CDK5RAP2: variants seen among roughly 807,000 people sequenced by gnomAD.
CDK5RAP2 encodes CDK5 regulatory subunit associated protein 2, also known as CDK5 regulatory subunit-associated protein 2.
In CDK5RAP2, 147 loss-of-function variants were observed where a neutral mutation model predicts 232.9. The observed-to-expected ratio is 0.63, with a 90% CI of 0.55 to 0.72. The LOEUF (loss-of-function observed/expected upper bound fraction) is 0.72. Among genes scored for constraint, CDK5RAP2 ranks in the 30% least tolerant of loss-of-function variants. The pLI, the probability that CDK5RAP2 is intolerant of heterozygous loss-of-function variation, is 0.00. For synonymous variants in CDK5RAP2, 833 were observed against 833.7 expected, an observed-to-expected ratio of 1.00 and a Z score of 0.01; for missense variants, 2,195 against 2,231.5, an observed-to-expected ratio of 0.98 and a Z score of 0.33.
chr9:120,547,943 G>A (rs1415911699), intron 4 of CDK5RAP2, among the ~76,000 whole-genome samples: 3 of 152,180 alleles, frequency 2.0e-5, no homozygotes, highest in Admixed American at 6.5e-5. Flanking sequence ...ACTGTCCTTA[G>A]ACATATAAGT....
At position 120,506,374 on chromosome 9, in the gene CDK5RAP2, T is replaced by G. The variant is rs372060642; in HGVS notation, c.1311+12053A>C. Among the ~76,000 whole-genome samples, 6 of 152,368 alleles carry G rather than the reference T, an allele frequency of 3.9e-5. No individual in the cohort carries two copies. In the East Asian group the frequency reaches 7.7e-4, roughly 20 times the overall value. ...ACAATGCACCTGGTCATCCAAGAGC[T>G]CTGATGGAGATGTACAAGAAGATGA... is the stretch of plus-strand genomic sequence containing the variant. On this transcript the variant is annotated intron_variant, in intron 12 of 37. Transcript: ENST00000349780.
intron 7 of CDK5RAP2, among the ~76,000 whole-genome samples, chr9:120,534,315 A>C (rs2041292820): frequency 6.6e-6 from 1 of 151,750 alleles, no homozygotes; most frequent in Non-Finnish European, 1.5e-5. Context: ...CTGTTCCTTT[A>C]CTTTCCTTTC....
At position 120,568,326 on chromosome 9, in the gene CDK5RAP2, C is replaced by G. The variant is rs140136080; in HGVS notation, c.190G>C (p.Glu64Gln). The G allele has an allele frequency of 6.2e-6, 10 of 1,612,294 alleles. No individual in the cohort carries two copies. Among genetic ancestry groups the G allele is most frequent in the African/African-American group, 1.3e-5 (1 of 75,010 alleles). The stretch of plus-strand genomic sequence containing the variant: ...AATTTGGTATTTCCACTTACATTTT[C>G]AAAGTCCTTCATGTTCCGTGCTCTG... ...PTRARNMKDF[E>Q]NQITELKKEN... is the part of the protein sequence containing the mutation. Residue 64 changes from glutamate to glutamine, a missense_variant, in exon 3 of 38, where the codon GAA becomes CAA. Physicochemically the swap from Glu to Gln is conservative, Grantham distance 29 (BLOSUM62 2). Transcript: ENST00000349780.
At chr9:120,392,677 C>T (rs2032097808) in intron 36 of CDK5RAP2, among the ~76,000 whole-genome samples, 1 of 152,224 alleles carries the variant, frequency 6.6e-6, no homozygotes, top group Admixed American at 6.5e-5. Context: ...AGGACCACAG[C>T]TGGCACTGTC....
At chr9:120,446,118 A>C (rs2036172153) in intron 22 of CDK5RAP2, among the ~76,000 whole-genome samples, 1 of 152,226 alleles carries the variant, frequency 6.6e-6, no homozygotes, top group African/African-American at 2.4e-5. Context: ...TATGGTAACT[A>C]CTCAATTCTG....
rs532841687 is a variant in CDK5RAP2, at chr9:120,434,192, AC to A, written c.3955+3102del. The stretch of plus-strand genomic sequence containing the variant: ...ATTTCATAAAGAGCTGTCAAAGAGC[AC>A]CTCGTTAATATGATGACATTTGAGA... On this transcript the variant is annotated intron_variant, in intron 25 of 37. Transcript: ENST00000349780. Among the ~76,000 whole-genome samples the A allele has an allele frequency of 2.4e-3, 358 of 152,308 alleles. 2 individuals carry two copies. The highest frequency in any genetic ancestry group is 4.5e-3 in the Non-Finnish European group (304 of 68,030).
intron 13 of CDK5RAP2, among the ~76,000 whole-genome samples, chr9:120,489,212 C>A (rs1167551477): frequency 6.6e-6 from 1 of 152,230 alleles, no homozygotes; most frequent in Non-Finnish European, 1.5e-5. Flanking sequence ...ATTCCGATGT[C>A]ATTCCAAGTG....
intron 23 of CDK5RAP2, 100 bp downstream of exon 23, chr9:120,443,520 A>T: frequency 7.7e-7 from 1 of 1,303,724 alleles, no homozygotes; most frequent in South Asian, 1.2e-5. Flanking sequence ...TAATGCCCTG[A>T]GAGGGCTGCT....
chr9:120,496,807 C>T (rs1346167113), intron 12 of CDK5RAP2, among the ~76,000 whole-genome samples: 6 of 139,950 alleles, frequency 4.3e-5, no homozygotes, highest in South Asian at 4.4e-4. Flanking sequence ...CCCCCCTGCC[C>T]GGCCAGCCGC....
intron 15 of CDK5RAP2, among the ~76,000 whole-genome samples, chr9:120,475,717 C>T (rs539170215): frequency 6.6e-6 from 1 of 152,272 alleles, no homozygotes; most frequent in South Asian, 2.1e-4. Context: ...TTCATTTTCC[C>T]TAAACTCATT....
intron 35 of CDK5RAP2, among the ~76,000 whole-genome samples, chr9:120,399,685 T>G (rs1414959644): frequency 6.6e-6 from 1 of 152,196 alleles, no homozygotes; most frequent in African/African-American, 2.4e-5. Flanking sequence ...GAAAGACCAA[T>G]GTGGGGCTGG....
intron 15 of CDK5RAP2, among the ~76,000 whole-genome samples, chr9:120,475,585 C>T (rs1019014760): frequency 1.3e-5 from 2 of 150,360 alleles, no homozygotes; most frequent in Non-Finnish European, 3.0e-5. Flanking sequence ...CCCCACTGCT[C>T]GCTCCCACCG....
intron 35 of CDK5RAP2, among the ~76,000 whole-genome samples, chr9:120,400,376 T>C (rs2032893681): frequency 6.6e-6 from 1 of 152,236 alleles, no homozygotes; most frequent in African/African-American, 2.4e-5. Context: ...AGCTAGTCCA[T>C]GAGGACAAAT....
intron 3 of CDK5RAP2, among the ~76,000 whole-genome samples, chr9:120,559,545 G>A (rs1588656102): frequency 8.2e-6 from 1 of 122,176 alleles, no homozygotes; most frequent in Non-Finnish European, 1.7e-5. Context: ...TTTCTCATGT[G>A]TACTTTTCCC....
chr9:120,470,162 T>A lies in CDK5RAP2; in HGVS notation c.1917A>T (p.Glu639Asp), dbSNP rs752445607. ...AATGTTCCACTTGAAACCGATTGTT[T>A]TCTTCAAGGCAAATACTTAGATAAG... ...QTSYLSICLE[E>D]NNRFQVEHFS... is the part of the protein sequence containing the mutation. The change falls in exon 17 of 38, where the codon GAA becomes GAT. Residue 639 changes from glutamate (E) to aspartate (D), a missense_variant. Glu to Asp is a conservative substitution (Grantham distance 45, BLOSUM62 2). Coordinates refer to ENST00000349780, the MANE Select transcript of CDK5RAP2 (RefSeq NM_018249.6). The A allele has an allele frequency of 5.0e-6, 8 of 1,600,810 alleles. No individual in the cohort carries two copies. In the South Asian group the frequency reaches 8.9e-5, roughly 18 times the overall value.
At chr9:120,420,591 A>AG (rs1588287802) in intron 26 of CDK5RAP2, among the ~76,000 whole-genome samples, 1 of 151,956 alleles carries the variant, frequency 6.6e-6, no homozygotes, top group African/African-American at 2.4e-5. Flanking sequence ...CTAAGCCATG[A>AG]GAAAAAAAAA....
chr9:120,426,013 G>A (rs2034875428), intron 25 of CDK5RAP2, among the ~76,000 whole-genome samples: 1 of 152,162 alleles, frequency 6.6e-6, no homozygotes, highest in Non-Finnish European at 1.5e-5. Context: ...TCGGGGAGGT[G>A]GCAATGGAGC....
chr9:120,430,170 C>T (rs1363085493), intron 25 of CDK5RAP2, among the ~76,000 whole-genome samples: 1 of 152,088 alleles, frequency 6.6e-6, no homozygotes, highest in Non-Finnish European at 1.5e-5. Flanking sequence ...AGAAGAAAAC[C>T]TAGGCATTAC....
chr9:120,471,814 C>T lies in CDK5RAP2; in HGVS notation c.1792G>A (p.Val598Met). The change falls in exon 16 of 38, where the codon GTG becomes ATG. Residue 598 changes from valine to methionine, a missense_variant. Coordinates refer to ENST00000349780, the MANE Select transcript of CDK5RAP2 (RefSeq NM_018249.6). The stretch of plus-strand genomic sequence containing the variant: ...TTCCGCAAATTCTGATATGAAAGCA[C>T]ATCCTGCTCCAGTTGCTTCCGCAGG... ...FALRKQLEQDVLSYQNLRKTL... is the reference protein window; with the variant it reads ...FALRKQLEQDMLSYQNLRKTL... 6.2e-7 allele frequency: 1 copy of T among 1,613,418 alleles called. No homozygotes were observed. The highest frequency in any genetic ancestry group is 8.5e-7 in the Non-Finnish European group (1 of 1,179,338).
Sources: allele counts gnomAD v4.1 joint callset (sites outside exome capture counted in the v4.1 genomes callset), GRCh38; gene constraint gnomAD v4.1.1; transcripts MANE v1.5; gene names NCBI Gene and HGNC (gene_info 2026-07-23, HGNC 2026-07-21).